KIAA1958: variants seen among roughly 807,000 people sequenced by gnomAD.
KIAA1958 encodes KIAA1958, also known as uncharacterized protein KIAA1958.
A neutral mutation model predicts 47.2 loss-of-function variants in KIAA1958; 14 were observed. That is an observed-to-expected ratio of 0.30 (90% CI 0.20 to 0.46). KIAA1958 has a LOEUF of 0.46. KIAA1958 is among the 20% of genes least tolerant of loss of function. KIAA1958 has a pLI of 1.00. For missense variants in KIAA1958, 803 were observed against 909.2 expected (o/e 0.88, Z 1.50); for synonymous variants, 354 against 353.3 (o/e 1.00, Z -0.02).
Position 112,575,142 on chromosome 9 carries a change from G to A in KIAA1958, c.1062G>A (p.Glu354=), listed in dbSNP as rs1835621811. Residue 354 remains glutamate, a synonymous_variant, in exon 2 of 4, where the codon GAG becomes GAA. Transcript: ENST00000337530. ...TGCCCAGCCAGGTCTCCTCCTGTGA[G>A]GTAGCCCTTTCTCCCTCAGTTAACA... is the stretch of plus-strand genomic sequence containing the variant. ...SHLPSQVSSC[E]VALSPSVNTE... is the part of the protein sequence containing the mutation. 3 of 1,602,520 alleles carry A rather than the reference G, an allele frequency of 1.9e-6. No individual in the cohort carries two copies. Among genetic ancestry groups the A allele is most frequent in the African/African-American group, 2.7e-5 (2 of 74,918 alleles).
intron 1 of KIAA1958, among the ~76,000 whole-genome samples, chr9:112,498,359 T>C (rs753668510): frequency 5.3e-5 from 8 of 152,142 alleles, no homozygotes; most frequent in Non-Finnish European, 7.4e-5. Context: ...CAAGCAGATA[T>C]GGAGAAATTT....
chr9:112,594,961 G>C (rs574281385), intron 2 of KIAA1958, among the ~76,000 whole-genome samples: 2 of 152,142 alleles, frequency 1.3e-5, no homozygotes, highest in South Asian at 4.2e-4. Context: ...GTTTTAATTT[G>C]CATTTCTCTA....
At chr9:112,602,508 C>G (rs1364117565) in intron 2 of KIAA1958, among the ~76,000 whole-genome samples, 2 of 152,144 alleles carry the variant, frequency 1.3e-5, no homozygotes, top group African/African-American at 4.8e-5. Context: ...TCAGCATAAT[C>G]TCTTTTTTAA....
At chr9:112,530,593 G>T (rs926737504) in intron 1 of KIAA1958, among the ~76,000 whole-genome samples, 2 of 152,090 alleles carry the variant, frequency 1.3e-5, no homozygotes, top group African/African-American at 2.4e-5. Flanking sequence ...AATATATAGG[G>T]TTACAGATTT....
At chr9:112,657,448 C>T (rs558932082) in intron 3 of KIAA1958, among the ~76,000 whole-genome samples, 6 of 152,132 alleles carry the variant, frequency 3.9e-5, no homozygotes, top group East Asian at 3.9e-4. Context: ...TTGAATAATC[C>T]GTTTGCTTAT....
intron 2 of KIAA1958, among the ~76,000 whole-genome samples, chr9:112,602,957 C>T (rs181386534): frequency 6.6e-6 from 1 of 152,292 alleles, no homozygotes; most frequent in East Asian, 1.9e-4. Flanking sequence ...TCCGTAACCT[C>T]CCTTTCTGCT....
intron 1 of KIAA1958, among the ~76,000 whole-genome samples, chr9:112,573,001 C>T (rs993865004): frequency 1.3e-5 from 2 of 152,032 alleles, no homozygotes; most frequent in East Asian, 1.9e-4. Context: ...TAGCCAGGGC[C>T]GACAAAATCA....
intron 2 of KIAA1958, among the ~76,000 whole-genome samples, chr9:112,588,679 G>A (rs1241568919): frequency 6.6e-6 from 1 of 152,164 alleles, no homozygotes; most frequent in African/African-American, 2.4e-5. Context: ...CAAGAGAACA[G>A]TGTTCCTTCA....
chr9:112,665,218 G>A lies in KIAA1958; in HGVS notation c.*5149G>A, dbSNP rs1564207984. 6.6e-6 allele frequency: 1 copy of A among 151,928 alleles called. No individual in the cohort carries two copies. Among genetic ancestry groups the A allele is most frequent in the Non-Finnish European group, 1.5e-5 (1 of 68,014 alleles). 9.4% of individuals were successfully genotyped at this position (151,928 alleles called of 1,614,324 possible). On this transcript the variant is annotated 3_prime_UTR_variant, in exon 4 of 4. Transcript: ENST00000337530. ...GCTCCTAGATACTTGGTGGTCAATAGAACTGATTTGATTAACTTTCATTTA... is the reference window on the plus strand; with the variant it reads ...GCTCCTAGATACTTGGTGGTCAATAAAACTGATTTGATTAACTTTCATTTA...
intron 2 of KIAA1958, among the ~76,000 whole-genome samples, chr9:112,634,185 TTA>T (rs1384650929): frequency 1.3e-5 from 2 of 152,200 alleles, no homozygotes; most frequent in African/African-American, 4.8e-5. Flanking sequence ...TGAGTGTATT[TTA>T]TGTTTCCTGG....
chr9:112,548,179 T>C (rs1835076819), intron 1 of KIAA1958, among the ~76,000 whole-genome samples: 1 of 151,990 alleles, frequency 6.6e-6, no homozygotes, highest in Admixed American at 6.6e-5. Flanking sequence ...AATTTTTTTG[T>C]TGAGATAAGT....
chr9:112,598,006 T>C (rs1836062526), intron 2 of KIAA1958, among the ~76,000 whole-genome samples: 1 of 152,242 alleles, frequency 6.6e-6, no homozygotes, highest in Non-Finnish European at 1.5e-5. Flanking sequence ...CTTAATGTTA[T>C]AGACGTTAAT....
intron 2 of KIAA1958, among the ~76,000 whole-genome samples, chr9:112,613,507 G>T (rs998186927): frequency 6.6e-6 from 1 of 151,966 alleles, no homozygotes; most frequent in African/African-American, 2.4e-5. Context: ...TATAAAATTA[G>T]GAATTCTTGT....
intron 1 of KIAA1958, among the ~76,000 whole-genome samples, chr9:112,504,209 CAG>C (rs1290271676): frequency 2.1e-5 from 3 of 145,210 alleles, no homozygotes; most frequent in African/African-American, 7.6e-5. Flanking sequence ...TTTTTGGAGA[CAG>C]AGTCTCACTC....
chr9:112,522,056 C>T (rs1245606840), intron 1 of KIAA1958, among the ~76,000 whole-genome samples: 5 of 152,048 alleles, frequency 3.3e-5, no homozygotes, highest in Non-Finnish European at 5.9e-5. Context: ...ACTGCAACCT[C>T]CGCCTCCCAG....
chr9:112,586,843 T>C (rs1183806983), intron 2 of KIAA1958, among the ~76,000 whole-genome samples: 2 of 152,196 alleles, frequency 1.3e-5, no homozygotes, highest in Admixed American at 6.5e-5. Context: ...CCTTGAGGTC[T>C]GAAAAGAGGA....
intron 2 of KIAA1958, among the ~76,000 whole-genome samples, chr9:112,614,680 T>C (rs532903348): frequency 1.3e-5 from 2 of 152,360 alleles, no homozygotes; most frequent in African/African-American, 4.8e-5. Context: ...TATGACAGTG[T>C]GACATTTGTC....
intron 1 of KIAA1958, among the ~76,000 whole-genome samples, chr9:112,521,450 G>C (rs2132796098): frequency 6.6e-6 from 1 of 152,258 alleles, no homozygotes; most frequent in South Asian, 2.1e-4. Flanking sequence ...CTGAATTCAA[G>C]TGACCCTCCC....
intron 1 of KIAA1958, among the ~76,000 whole-genome samples, chr9:112,541,610 C>G (rs1367103695): frequency 6.6e-6 from 1 of 152,046 alleles, no homozygotes; most frequent in Non-Finnish European, 1.5e-5. Flanking sequence ...TCGAGACCAG[C>G]CCGTCCAACA....
Sources: gnomAD v4.1 joint callset for allele counts (sites outside exome capture counted in the v4.1 genomes callset) on GRCh38, gnomAD v4.1.1 for gene constraint, MANE v1.5 for transcripts, NCBI Gene and HGNC (gene_info 2026-07-23, HGNC 2026-07-21) for gene names.